Variants in PDE12 observed in about 807,000 individuals in gnomAD.
PDE12 encodes 2',5'-phosphodiesterase 12.
Under a neutral mutation model 45.4 loss-of-function variants are expected in PDE12, and 26 were observed. The observed-to-expected ratio is 0.57, with a 90% CI of 0.42 to 0.79. PDE12 has a LOEUF of 0.79. Ranked by LOEUF, PDE12 falls within the 30% of genes least tolerant of loss-of-function variation. The probability of loss-of-function intolerance (pLI) is 0.00; values close to 1 mark genes in which losing one functional copy is unlikely to be tolerated. For missense variants in PDE12, 668 were observed against 790.0 expected (o/e 0.85, Z 1.85); for synonymous variants, 283 against 323.9 (o/e 0.87, Z 1.36).
At chr3:57,613,553 A>T in the PDE12 span, among the ~76,000 whole-genome samples, 3,647 of 151,702 alleles carry the variant, frequency 0.024, 68 homozygotes, top group Non-Finnish European at 0.035. Flanking sequence ...CAGCCTCCCA[A>T]AGTGCTGGGA....
the PDE12 span, among the ~76,000 whole-genome samples, chr3:57,604,895 G>A: frequency 2.6e-5 from 4 of 151,942 alleles, no homozygotes; most frequent in Non-Finnish European, 4.4e-5. Context: ...TTAAAGGTGT[G>A]AGCCACCATG....
the PDE12 span, among the ~76,000 whole-genome samples, chr3:57,578,496 T>C: frequency 7.3e-6 from 1 of 136,498 alleles, no homozygotes; most frequent in Non-Finnish European, 1.7e-5. Context: ...ATTAGCTTCT[T>C]TTCTCAGACA....
At chr3:57,630,454 C>T in the PDE12 span, 1 of 1,595,446 alleles carries the variant, frequency 6.3e-7, no homozygotes, top group East Asian at 2.2e-5. Flanking sequence ...GGAGTGCCTC[C>T]AATTTTTGGG....
At chr3:57,570,376 C>CTTTTTTTTTTTT (rs1241352591), downstream of PDE12, among the ~76,000 whole-genome samples, 1 of 128,920 alleles carries the variant, frequency 7.8e-6, no homozygotes, top group Non-Finnish European at 1.6e-5. Flanking sequence ...ACACCAGACC[C>CTTTTTTTTTTTT]TTTTTTTTTT....
At chr3:57,648,906 T>C in the PDE12 span, among the ~76,000 whole-genome samples, 1 of 152,102 alleles carries the variant, frequency 6.6e-6, no homozygotes, top group African/African-American at 2.4e-5. Context: ...CCTGAAATCA[T>C]AAAATTTCTA....
downstream of PDE12, among the ~76,000 whole-genome samples, chr3:57,570,623 A>G (rs2153408112): frequency 6.6e-6 from 1 of 152,318 alleles, no homozygotes; most frequent in South Asian, 2.1e-4. Flanking sequence ...CAAGCCATTA[A>G]GAATGCAACA....
At chr3:57,642,687 G>T in the PDE12 span, among the ~76,000 whole-genome samples, 1 of 152,082 alleles carries the variant, frequency 6.6e-6, no homozygotes, top group Admixed American at 6.6e-5. Flanking sequence ...GAGGAATGCC[G>T]CATGAAAGAA....
chr3:57,612,723 A>T, the PDE12 span, among the ~76,000 whole-genome samples: 1 of 148,936 alleles, frequency 6.7e-6, no homozygotes, highest in African/African-American at 2.5e-5. Flanking sequence ...GTGAGCTGAT[A>T]TTATGCCACT....
chr3:57,635,202 T>TTTTGTTTTG, the PDE12 span, among the ~76,000 whole-genome samples: 1 of 151,364 alleles, frequency 6.6e-6, no homozygotes, highest in Non-Finnish European at 1.5e-5. Context: ...GTTTGTGGGG[T>TTTTGTTTTG]TTTGTTTTGT....
rs1302515291 is a variant in PDE12 at position 57,560,712 on chromosome 3, A to G, written c.*708A>G. 5 of 983,790 alleles carry G rather than the reference A, an allele frequency of 5.1e-6. No individual in the cohort carries two copies. The highest frequency in any genetic ancestry group is 1.2e-4 in the Admixed American group (2 of 16,254). The allele number at this position is 983,790 out of a possible 1,614,324, so 60.9% of individuals were successfully genotyped here. On this transcript the variant is annotated 3_prime_UTR_variant, in exon 3 of 3. Coordinates refer to ENST00000311180, the MANE Select transcript of PDE12 (RefSeq NM_177966.7). ...TTTGAATGATCTTAATTTTTCTTTCATGACAACACATTCCAAAATGAATCA... is the reference window on the plus strand; with the variant it reads ...TTTGAATGATCTTAATTTTTCTTTCGTGACAACACATTCCAAAATGAATCA...
At chr3:57,644,304 T>C in the PDE12 span, among the ~76,000 whole-genome samples, 1 of 151,894 alleles carries the variant, frequency 6.6e-6, no homozygotes, top group Admixed American at 6.6e-5. Flanking sequence ...TATTAGAGAT[T>C]TACAAAAAAA....
the PDE12 span, chr3:57,584,312 T>A: frequency 7.7e-7 from 1 of 1,293,282 alleles, no homozygotes; most frequent in East Asian, 2.3e-5. Context: ...AAAAAGACAA[T>A]CTCAAAACTA....
chr3:57,584,881 G>T, the PDE12 span, among the ~76,000 whole-genome samples: 6 of 151,906 alleles, frequency 3.9e-5, no homozygotes, highest in Non-Finnish European at 5.9e-5. Context: ...AGGGGAGCGG[G>T]GGGACGTATT....
the PDE12 span, among the ~76,000 whole-genome samples, chr3:57,646,900 G>A: frequency 3.3e-5 from 5 of 152,310 alleles, no homozygotes; most frequent in South Asian, 8.3e-4. Flanking sequence ...ACAAGGGGGA[G>A]TGCTAATGCT....
chr3:57,582,992 T>G, the PDE12 span, among the ~76,000 whole-genome samples: 3 of 152,182 alleles, frequency 2.0e-5, no homozygotes, highest in Non-Finnish European at 2.9e-5. Flanking sequence ...GGCTGCTACT[T>G]GAGGGCAGCT....
At chr3:57,609,756 A>C in the PDE12 span, among the ~76,000 whole-genome samples, 5 of 152,108 alleles carry the variant, frequency 3.3e-5, no homozygotes, top group South Asian at 2.1e-4. Flanking sequence ...CCTACCAACC[A>C]AAAAAAGTCC....
chr3:57,604,601 C>CT, the PDE12 span, among the ~76,000 whole-genome samples: 60 of 44,502 alleles, frequency 1.3e-3, no homozygotes, highest in African/African-American at 2.1e-3. Flanking sequence ...CTTTTTCTTT[C>CT]TTTTTTTTTT....
the PDE12 span, among the ~76,000 whole-genome samples, chr3:57,587,844 C>CAGCA: frequency 2.6e-5 from 4 of 152,068 alleles, no homozygotes; most frequent in South Asian, 8.3e-4. Flanking sequence ...TAATGGCTCA[C>CAGCA]AGCAACACAG....
chr3:57,630,467 A>G, the PDE12 span: 4 of 1,596,348 alleles, frequency 2.5e-6, no homozygotes, highest in South Asian at 3.5e-5. Flanking sequence ...TTTTTGGGTC[A>G]TTTCCTTCCT....
Sources: allele counts gnomAD v4.1 joint callset (sites outside exome capture counted in the v4.1 genomes callset), GRCh38; gene constraint gnomAD v4.1.1; transcripts MANE v1.5; gene names NCBI Gene and HGNC (gene_info 2026-07-23, HGNC 2026-07-21).